Variants in PCDH15 observed in about 807,000 individuals in gnomAD.
PCDH15 encodes the protein protocadherin related 15.
PCDH15 carries 129 observed loss-of-function variants against 178.5 expected under a neutral mutation model. The observed-to-expected ratio is 0.72, with a 90% CI of 0.63 to 0.84. The LOEUF is 0.84. PCDH15 is among the 40% of genes least tolerant of loss of function. The pLI, the probability that PCDH15 is intolerant of heterozygous loss-of-function variation, is 0.00. For missense variants in PCDH15, 2,230 were observed against 2,099.9 expected (o/e 1.06, Z -1.21); for synonymous variants, 800 against 732.0 (o/e 1.09, Z -1.50).
chr10:54,303,315 A>G (rs1176787695), intron 8 of PCDH15, among the ~76,000 whole-genome samples: 1 of 152,114 alleles, frequency 6.6e-6, no homozygotes, highest in African/African-American at 2.4e-5. Context: ...ATTGCAAAAA[A>G]TATGAGTTTA....
At chr10:53,903,109 C>T (rs2082430802) in intron 26 of PCDH15, 134 bp downstream of exon 26, 2 of 957,272 alleles carry the variant, frequency 2.1e-6, no homozygotes, top group East Asian at 2.6e-5. Flanking sequence ...GATAACTAAA[C>T]TAATATAGCT....
At chr10:54,710,273 AAAGCTTGTATCT>A (rs761134688) in intron 1 of PCDH15, among the ~76,000 whole-genome samples, 74 of 152,052 alleles carry the variant, frequency 4.9e-4, no homozygotes, top group Non-Finnish European at 7.4e-4. Flanking sequence ...CCTAGTGACA[AAAGCTTGTATCT>A]AAGGGTTTTA....
At chr10:54,297,431 G>A (rs1445823379) in intron 8 of PCDH15, among the ~76,000 whole-genome samples, 2 of 152,130 alleles carry the variant, frequency 1.3e-5, no homozygotes, top group African/African-American at 4.8e-5. Context: ...AAGAGGGAAG[G>A]CAAATGGAGT....
chr10:53,806,584 G>C lies in PCDH15; in HGVS notation c.5218C>G (p.Leu1740Val), dbSNP rs527870166. The stretch of plus-strand genomic sequence containing the variant: ...AATATCTTTTAAAAAATTGGTCACA[G>C]TTTTGTCATTGGTATATGGAGGTTG... Reference protein sequence around the residue: ...WNNLHIPMTKL With the variant: ...WNNLHIPMTKV The change falls in exon 38 of 38, where the codon CTG (leucine) becomes GTG (valine). Residue 1740 changes from leucine (L) to valine (V), a missense_variant. Transcript: ENST00000644397. 6.3e-7 allele frequency: 1 copy of C among 1,593,238 alleles called. No individual in the cohort carries two copies. Among genetic ancestry groups the C allele is most frequent in the Non-Finnish European group, 8.6e-7 (1 of 1,167,944 alleles).
chr10:54,506,934 A>G (rs1487457692), intron 3 of PCDH15, among the ~76,000 whole-genome samples: 1 of 152,050 alleles, frequency 6.6e-6, no homozygotes, highest in Non-Finnish European at 1.5e-5. Flanking sequence ...TGGGCAAAAC[A>G]TGATTTTTTT....
intron 23 of PCDH15, among the ~76,000 whole-genome samples, chr10:53,956,954 T>C (rs1236724240): frequency 1.3e-5 from 2 of 152,194 alleles, no homozygotes; most frequent in African/African-American, 4.8e-5. Context: ...TTTTAAAACA[T>C]GGCATTAAGC....
chr10:54,538,017 C>T lies in PCDH15; in HGVS notation c.92-10140G>A, dbSNP rs533866936. ...TTTCTTATAGATTCTGGAGATTAGA[C>T]CTTTGCGGGTGCATAGTTTGAAAAT... On this transcript the variant is annotated intron_variant, in intron 2 of 37. Coordinates refer to ENST00000644397, the MANE Select transcript of PCDH15 (RefSeq NM_001384140.1). Among the ~76,000 whole-genome samples the T allele has an allele frequency of 2.6e-5, 4 of 152,218 alleles. No individual in the cohort carries two copies. The East Asian group carries it at 7.7e-4, about 29-fold the overall frequency.
intron 2 of PCDH15, among the ~76,000 whole-genome samples, chr10:54,625,783 T>C (rs923947620): frequency 1.3e-5 from 2 of 152,148 alleles, no homozygotes; most frequent in African/African-American, 4.8e-5. Flanking sequence ...GCTGAAAAGA[T>C]ACCTGAAAAT....
At chr10:54,361,874 G>T (rs1215747794) in intron 5 of PCDH15, among the ~76,000 whole-genome samples, 1 of 152,002 alleles carries the variant, frequency 6.6e-6, no homozygotes, top group Non-Finnish European at 1.5e-5. Context: ...CTTGCCTAAT[G>T]TATGTATACA....
At chr10:54,154,207 G>T (rs981313710) in intron 13 of PCDH15, among the ~76,000 whole-genome samples, 45 of 152,152 alleles carry the variant, frequency 3.0e-4, no homozygotes, top group Non-Finnish European at 5.7e-4. Flanking sequence ...AATATAAAGG[G>T]ATTCTAGCAG....
chr10:55,111,812 C>T (rs1209439489), intron 2 of PCDH15, among the ~76,000 whole-genome samples: 1 of 152,156 alleles, frequency 6.6e-6, no homozygotes, highest in Non-Finnish European at 1.5e-5. Flanking sequence ...CATTGCACTA[C>T]ATTGCACTAC....
chr10:54,135,718 C>A (rs191062873), intron 14 of PCDH15, among the ~76,000 whole-genome samples: 2 of 152,150 alleles, frequency 1.3e-5, no homozygotes, highest in East Asian at 3.9e-4. Context: ...AGTCCTACAA[C>A]GTTATTGGTA....
intron 1 of PCDH15, among the ~76,000 whole-genome samples, chr10:54,742,372 T>C (rs1944923093): frequency 6.6e-6 from 1 of 152,022 alleles, no homozygotes; most frequent in Admixed American, 6.6e-5. Context: ...ATACAGAACA[T>C]GAAGACAGTT....
chr10:54,575,677 T>C (rs1249360657), intron 2 of PCDH15, among the ~76,000 whole-genome samples: 3 of 152,058 alleles, frequency 2.0e-5, no homozygotes, highest in Non-Finnish European at 4.4e-5. Flanking sequence ...TTCCTAATTT[T>C]TCAATATATG....
chr10:53,999,371 T>C (rs1339467826), intron 20 of PCDH15, among the ~76,000 whole-genome samples: 1 of 152,190 alleles, frequency 6.6e-6, no homozygotes, highest in Non-Finnish European at 1.5e-5. Flanking sequence ...ATATTTCTCA[T>C]ATTATTAGCA....
At chr10:54,839,291 A>C (rs1410241083) in intron 3 of PCDH15, among the ~76,000 whole-genome samples, 1 of 152,144 alleles carries the variant, frequency 6.6e-6, no homozygotes, top group Non-Finnish European at 1.5e-5. Context: ...ATCCATAAGA[A>C]ATAGAAGTTT....
chr10:54,838,693 T>C (rs951443549), intron 3 of PCDH15, among the ~76,000 whole-genome samples: 11 of 152,110 alleles, frequency 7.2e-5, no homozygotes, highest in Non-Finnish European at 1.5e-4. Flanking sequence ...AGCTGCAGTC[T>C]AGGAGTACAT....
chr10:54,563,095 G>C (rs2088448470), intron 2 of PCDH15, among the ~76,000 whole-genome samples: 1 of 152,028 alleles, frequency 6.6e-6, no homozygotes, highest in African/African-American at 2.4e-5. Context: ...ACTTATAAAT[G>C]ATAAAGGAAA....
At chr10:55,230,048 AC>A (rs1841165992) in intron 1 of PCDH15, among the ~76,000 whole-genome samples, 1 of 152,056 alleles carries the variant, frequency 6.6e-6, no homozygotes, top group African/African-American at 2.4e-5. Context: ...AGCACTTATA[AC>A]CTAGTGCCTG....
Sources: gnomAD v4.1 joint callset for allele counts (sites outside exome capture counted in the v4.1 genomes callset) on GRCh38, gnomAD v4.1.1 for gene constraint, MANE v1.5 for transcripts, NCBI Gene and HGNC (gene_info 2026-07-23, HGNC 2026-07-21) for gene names.